Variants in ACP1 observed in about 807,000 individuals in gnomAD.
ACP1 encodes the protein low molecular weight phosphotyrosine protein phosphatase.
Under a neutral mutation model 23.4 loss-of-function variants are expected in ACP1, and 23 were observed. That is an observed-to-expected ratio of 0.98 (90% CI 0.71 to 1.39). The LOEUF (loss-of-function observed/expected upper bound fraction) is 1.39. Among genes scored for constraint, ACP1 ranks in the 40% most tolerant of loss-of-function variants. ACP1 has a pLI of 0.00. For missense variants in ACP1, 180 were observed against 197.7 expected (o/e 0.91, Z 0.54); for synonymous variants, 72 against 67.2 (o/e 1.07, Z -0.35).
intron 1 of ACP1, among the ~76,000 whole-genome samples, chr2:266,990 T>G (rs1669906918): frequency 6.6e-6 from 1 of 152,072 alleles, no homozygotes; most frequent in Non-Finnish European, 1.5e-5. Flanking sequence ...TAGAGGGCAA[T>G]AGGTGGATAG....
At chr2:266,086 G>A (rs1250982408) in intron 1 of ACP1, among the ~76,000 whole-genome samples, 2 of 151,970 alleles carry the variant, frequency 1.3e-5, no homozygotes, top group African/African-American at 2.4e-5. Context: ...TACAGAAAAG[G>A]TGTGATTCCT....
At chr2:275,055 G>GTT (rs144670341) in intron 3 of ACP1, 85 bp from the exon 4 acceptor site, 733 of 526,220 alleles carry the variant, frequency 1.4e-3, no homozygotes, top group Middle Eastern at 4.4e-3. Flanking sequence ...AAATACAGCA[G>GTT]TTTTTTTTTT....
chr2:277,125 A>G (rs1429481467), intron 5 of ACP1, 40 bp downstream of exon 5: 1 of 1,572,486 alleles, frequency 6.4e-7, no homozygotes, highest in Non-Finnish European at 8.8e-7. Flanking sequence ...ATGAAGACCC[A>G]ACACATTTGT....
chr2:271,994 A>T, intron 2 of ACP1, 43 bp from the exon 3 acceptor site: 1 of 1,483,594 alleles, frequency 6.7e-7, no homozygotes, highest in South Asian at 1.2e-5. Flanking sequence ...TGGGCAGGAA[A>T]TTGCAAAAAA....
chr2:275,074 A>G (rs1373816980), intron 3 of ACP1, 66 bp from the exon 4 acceptor site: 1 of 725,282 alleles, frequency 1.4e-6, no homozygotes, highest in African/African-American at 1.8e-5. Context: ...TTCTTTTAGT[A>G]TTGCTTTGCA....
rs376020864 is a variant in ACP1, at chr2:265,020, C to G, written c.43+13C>G. 1.3e-5 allele frequency: 21 copies of G among 1,612,240 alleles called. No homozygotes were observed. In the African/African-American group the frequency reaches 2.0e-4, roughly 15 times the overall value. ...TTTGTGTGTCTGGGTAAGAGGGCGC[C>G]GACTTACTCATGTTCTGACGTCCTC... On this transcript the variant is annotated intron_variant, in intron 1 of 5. Coordinates refer to ENST00000272065, the MANE Select transcript of ACP1 (RefSeq NM_004300.4).
chr2:268,870 C>A (rs941563779), intron 1 of ACP1, among the ~76,000 whole-genome samples: 2 of 152,122 alleles, frequency 1.3e-5, no homozygotes, highest in African/African-American at 4.8e-5. Context: ...CATCAACTTT[C>A]GAAATCAACA....
intron 1 of ACP1, among the ~76,000 whole-genome samples, chr2:268,461 A>G (rs1238776624): frequency 7.9e-5 from 12 of 152,218 alleles, no homozygotes; most frequent in Admixed American, 5.2e-4. Flanking sequence ...TGTTTTTGCA[A>G]TAGAGACTTA....
In ACP1 at chr2:271,919, G is replaced by T; in HGVS notation, c.97G>T (p.Asp33Tyr). Reference sequence around the variant, plus strand: ...AGCAGTTTTCAGGAAACTTGTAACCGATCAAAACATCTCAGAGAATGTAAG... The same window carrying T: ...AGCAGTTTTCAGGAAACTTGTAACCTATCAAAACATCTCAGAGAATGTAAG... ...AEAVFRKLVT[D>Y]QNISENWRVD... The change falls in exon 2 of 6, where the codon GAT becomes TAT. Residue 33 changes from aspartate (D) to tyrosine (Y), a missense_variant. By Grantham distance (160) the Asp-to-Tyr change is radical. Transcript: ENST00000272065. 6.2e-7 allele frequency: 1 copy of T among 1,611,552 alleles called. No individual in the cohort carries two copies. The highest frequency in any genetic ancestry group is 8.5e-7 in the Non-Finnish European group (1 of 1,179,416).
chr2:265,198 GC>G, intron 1 of ACP1, 191 bp downstream of exon 1: 1 of 577,210 alleles, frequency 1.7e-6, no homozygotes, highest in Non-Finnish European at 2.9e-6. Context: ...CGCCCAGCCT[GC>G]CCGCTAAACC....
intron 1 of ACP1, among the ~76,000 whole-genome samples, chr2:270,883 G>A (rs1670010647): frequency 6.6e-6 from 1 of 152,018 alleles, no homozygotes; most frequent in East Asian, 1.9e-4. Flanking sequence ...TTTTGTTGCT[G>A]TTACTATAAT....
At chr2:276,010 AT>A (rs775130819) in intron 4 of ACP1, among the ~76,000 whole-genome samples, 13 of 152,006 alleles carry the variant, frequency 8.6e-5, no homozygotes, top group Non-Finnish European at 1.3e-4. Context: ...TTCTGTTCTC[AT>A]TGTTTTTGCT....
rs1170681993 is a variant in ACP1 at position 277,676 on chromosome 2, G to A, written c.*372G>A. 4 of 250,460 alleles carry A rather than the reference G, an allele frequency of 1.6e-5. No homozygotes were observed. Among genetic ancestry groups the A allele is most frequent in the African/African-American group, 2.2e-5 (1 of 45,238 alleles). The allele number at this position is 250,460 out of a possible 1,614,324, so 15.5% of individuals were successfully genotyped here. ...TTAGATAATCGAGTCTACCTCTTCA[G>A]TAGGTTTGTGTGGATGGCCTGGAGG... is the stretch of plus-strand genomic sequence containing the variant. On this transcript the variant is annotated 3_prime_UTR_variant, in exon 6 of 6. Transcript: ENST00000272065.
intron 1 of ACP1, among the ~76,000 whole-genome samples, chr2:269,804 G>A (rs1455419305): frequency 6.6e-6 from 1 of 152,230 alleles, no homozygotes; most frequent in East Asian, 1.9e-4. Context: ...ATTCCTGGGG[G>A]AGGAAATGCT....
chr2:276,933 C>A, intron 4 of ACP1, 47 bp from the exon 5 acceptor site: 1 of 1,242,738 alleles, frequency 8.0e-7, no homozygotes, highest in Non-Finnish European at 1.2e-6. Context: ...CCCTGTTTAA[C>A]TTGAAACCAT....
rs1347197528 is a variant in ACP1 at position 277,574 on chromosome 2, T to C, written c.*270T>C. The stretch of plus-strand genomic sequence containing the variant: ...TCTCACTTTGCCCCAGTTACAAAAA[T>C]AGTAGAACAAGCAACATAAAACAAT... On this transcript the variant is annotated 3_prime_UTR_variant, in exon 6 of 6. Transcript: ENST00000272065. 2 of 473,644 alleles carry C rather than the reference T, an allele frequency of 4.2e-6. No individual in the cohort carries two copies. The highest frequency in any genetic ancestry group is 7.7e-6 in the Non-Finnish European group (2 of 260,444). The allele number at this position is 473,644 out of a possible 1,614,324, so 29.3% of individuals were successfully genotyped here. A position where few individuals can be genotyped will look rare whatever the true frequency, so the allele number is the denominator to read the frequency against.
intron 1 of ACP1, chr2:265,415 C>T (rs986179847): frequency 5.9e-6 from 1 of 170,694 alleles, no homozygotes; most frequent in South Asian, 1.8e-4. Context: ...TGCTAGTTTC[C>T]TTAGCCCATG....
chr2:275,025 T>C (rs1246320988), intron 3 of ACP1, 115 bp from the exon 4 acceptor site: 1 of 434,202 alleles, frequency 2.3e-6, no homozygotes, highest in African/African-American at 2.0e-5. Context: ...TTTAATTGTT[T>C]ATTAGTGAGT....
chr2:272,035 A>G lies in ACP1; in HGVS notation c.118-2A>G. 6.2e-7 allele frequency: 1 copy of G among 1,612,370 alleles called. No individual in the cohort carries two copies. The highest frequency in any genetic ancestry group is 1.7e-5 in the Admixed American group (1 of 59,892). On this transcript the variant is annotated splice_acceptor_variant, in intron 2 of 5. Transcript: ENST00000272065. LOFTEE classifies it high-confidence loss of function. ...AAAAATTCCATGTTTCTTCCCCTGC[A>G]GTGGAGGGTAGACAGCGCGGCAACT...
Sources: allele counts gnomAD v4.1 joint callset (sites outside exome capture counted in the v4.1 genomes callset), GRCh38; gene constraint gnomAD v4.1.1; transcripts MANE v1.5; gene names NCBI Gene and HGNC (gene_info 2026-07-23, HGNC 2026-07-21).